Variants in MCPH1 observed in about 807,000 individuals in gnomAD.
MCPH1 encodes the protein microcephalin.
In MCPH1, 104 loss-of-function variants were observed where a neutral mutation model predicts 84.5. The ratio of observed to expected loss-of-function variants is 1.23; its 90% CI spans 1.05 to 1.45. The LOEUF (loss-of-function observed/expected upper bound fraction) is 1.45. MCPH1 is among the 40% of genes most tolerant of loss of function. The probability of loss-of-function intolerance (pLI) is 0.00; values close to 1 mark genes in which losing one functional copy is unlikely to be tolerated. For missense variants in MCPH1, 1,498 were observed against 1,005.7 expected (o/e 1.49, Z -6.62); for synonymous variants, 514 against 366.8 (o/e 1.40, Z -4.58).
intron 11 of MCPH1, among the ~76,000 whole-genome samples, chr8:6,486,147 T>C (rs1462842862): frequency 6.6e-6 from 1 of 152,244 alleles, no homozygotes; most frequent in Non-Finnish European, 1.5e-5. Context: ...CTTTAATATT[T>C]ATCTATGTCT....
At chr8:6,543,386 C>T (rs1821956973) in intron 12 of MCPH1, among the ~76,000 whole-genome samples, 2 of 152,178 alleles carry the variant, frequency 1.3e-5, no homozygotes, top group South Asian at 2.1e-4. Context: ...GGACACCCTT[C>T]TCTCTGTGCT....
chr8:6,421,104 C>G (rs558949534), intron 3 of MCPH1, among the ~76,000 whole-genome samples: 1 of 152,306 alleles, frequency 6.6e-6, no homozygotes, highest in East Asian at 1.9e-4. Context: ...GCACAGGCAG[C>G]TTGTTTAGGA....
At chr8:6,507,177 C>A (rs1055965102) in intron 12 of MCPH1, among the ~76,000 whole-genome samples, 1 of 152,198 alleles carries the variant, frequency 6.6e-6, no homozygotes, top group African/African-American at 2.4e-5. Context: ...GGATTACAAG[C>A]GGGGGCCACC....
chr8:6,539,444 T>C (rs1324616676), intron 12 of MCPH1, among the ~76,000 whole-genome samples: 2 of 152,148 alleles, frequency 1.3e-5, no homozygotes, highest in African/African-American at 4.8e-5. Flanking sequence ...AATTTCCTAG[T>C]GGGTATTGTG....
intron 12 of MCPH1, among the ~76,000 whole-genome samples, chr8:6,526,022 C>T (rs1292884710): frequency 3.3e-5 from 5 of 152,068 alleles, no homozygotes; most frequent in African/African-American, 7.2e-5. Context: ...AGGTTTGTCA[C>T]GGACATCATT....
intron 11 of MCPH1, among the ~76,000 whole-genome samples, chr8:6,483,763 G>C (rs1809521579): frequency 6.6e-6 from 1 of 152,150 alleles, no homozygotes; most frequent in Non-Finnish European, 1.5e-5. Context: ...AGGAGGCTGA[G>C]GCACAAGAAT....
At chr8:6,506,394 C>G (rs1813735548) in intron 12 of MCPH1, among the ~76,000 whole-genome samples, 1 of 152,108 alleles carries the variant, frequency 6.6e-6, no homozygotes, top group South Asian at 2.1e-4. Flanking sequence ...AGTCTCTTTT[C>G]CAATTACATT....
chr8:6,585,233 G>T (rs1399834190), intron 12 of MCPH1, among the ~76,000 whole-genome samples: 1 of 152,196 alleles, frequency 6.6e-6, no homozygotes, highest in Non-Finnish European at 1.5e-5. Flanking sequence ...AGGAGCTGGG[G>T]TCTCACTAGT....
At chr8:6,619,744 C>T (rs995876319) in intron 12 of MCPH1, among the ~76,000 whole-genome samples, 21 of 152,158 alleles carry the variant, frequency 1.4e-4, no homozygotes. Context: ...ACCACCACGC[C>T]TGGCTAATCT....
chr8:6,474,089 A>T (rs1218194086), intron 9 of MCPH1: 2 of 778,024 alleles, frequency 2.6e-6, no homozygotes, highest in African/African-American at 1.7e-5. Flanking sequence ...CACAAAAACT[A>T]TGTGAAACCA....
chr8:6,452,195 T>C (rs1805173058), intron 8 of MCPH1, among the ~76,000 whole-genome samples: 1 of 152,190 alleles, frequency 6.6e-6, no homozygotes, highest in Non-Finnish European at 1.5e-5. Flanking sequence ...CATTTTCTTC[T>C]CTTTTCCCTC....
At chr8:6,586,254 C>T (rs1048668511) in intron 12 of MCPH1, among the ~76,000 whole-genome samples, 3 of 152,188 alleles carry the variant, frequency 2.0e-5, no homozygotes, top group Admixed American at 2.0e-4. Flanking sequence ...AGCCACCATG[C>T]CCAGCTCATC....
rs778918273 is a variant in MCPH1 at position 6,455,135 on chromosome 8, G to A, written c.1826-8G>A. The stretch of plus-strand genomic sequence containing the variant: ...TTCTAACTAATTTTTAATCCCCTTG[G>A]GTTTTAGGTGTTAAAAATAGACCAA... On this transcript the variant is annotated splice_polypyrimidine_tract_variant and splice_region_variant and intron_variant, in intron 8 of 13. Transcript: ENST00000344683. 1.2e-6 allele frequency: 2 copies of A among 1,607,964 alleles called. No homozygotes were observed. Among genetic ancestry groups the A allele is most frequent in the Non-Finnish European group, 1.7e-6 (2 of 1,174,638 alleles).
In MCPH1 at chr8:6,645,714, T is replaced by G. The variant is rs1186828572; in HGVS notation, c.*2665T>G. ...AAGATTATATACAAACCTAACAGAATTGTATTTATATATACTGTCAATAAG... is the reference window on the plus strand; with the variant it reads ...AAGATTATATACAAACCTAACAGAAGTGTATTTATATATACTGTCAATAAG... On this transcript the variant is annotated 3_prime_UTR_variant, in exon 14 of 14. Coordinates refer to ENST00000344683, the MANE Select transcript of MCPH1 (RefSeq NM_024596.5). 6.7e-6 allele frequency: 1 copy of G among 150,276 alleles called. No individual in the cohort carries two copies. The highest frequency in any genetic ancestry group is 2.5e-5 in the African/African-American group (1 of 40,644). 9.3% of individuals were successfully genotyped at this position (150,276 alleles called of 1,614,324 possible).
intron 9 of MCPH1, among the ~76,000 whole-genome samples, chr8:6,457,234 C>G (rs1466108378): frequency 6.6e-6 from 1 of 152,138 alleles, no homozygotes; most frequent in Non-Finnish European, 1.5e-5. Context: ...TTTAGAATGT[C>G]ATTTCTGAAA....
chr8:6,640,087 T>C (rs1399906055), intron 13 of MCPH1, among the ~76,000 whole-genome samples: 1 of 145,174 alleles, frequency 6.9e-6, no homozygotes, highest in Non-Finnish European at 1.5e-5. Flanking sequence ...TGTGTGTGTG[T>C]GTGTGTGTGT....
intron 8 of MCPH1, chr8:6,446,936 C>T (rs1804477069): frequency 1.0e-6 from 1 of 985,198 alleles, no homozygotes; most frequent in South Asian, 4.7e-5. Flanking sequence ...GAGGGGCCAG[C>T]ACTAGTTGAC....
chr8:6,514,242 T>C (rs2515421), intron 12 of MCPH1, among the ~76,000 whole-genome samples: 64,363 of 152,032 alleles, frequency 0.42, 13,900 homozygotes, highest in Middle Eastern at 0.53. Context: ...CAGGCTGGAG[T>C]GCAGTGGTGT....
At chr8:6,453,246 A>G (rs1446856240) in intron 8 of MCPH1, among the ~76,000 whole-genome samples, 2 of 152,348 alleles carry the variant, frequency 1.3e-5, no homozygotes, top group South Asian at 2.1e-4. Flanking sequence ...TGCACTCTCA[A>G]CTGCTTTGGG....
Sources: allele counts gnomAD v4.1 joint callset (sites outside exome capture counted in the v4.1 genomes callset), GRCh38; gene constraint gnomAD v4.1.1; transcripts MANE v1.5; gene names NCBI Gene and HGNC (gene_info 2026-07-23, HGNC 2026-07-21).